The following PRTN3 variants were observed in gnomAD, a reference collection of about 807,000 sequenced individuals.
PRTN3 encodes the protein myeloblastin.
PRTN3 carries 22 observed loss-of-function variants against 20.7 expected under a neutral mutation model. That is an observed-to-expected ratio of 1.06 (90% CI 0.76 to 1.52). PRTN3 has a LOEUF of 1.52. Ranked by LOEUF, PRTN3 falls within the 40% of genes most tolerant of loss-of-function variation. PRTN3 has a pLI of 0.00. For synonymous variants in PRTN3, 173 were observed against 152.9 expected, an observed-to-expected ratio of 1.13 and a Z score of -0.97; for missense variants, 378 against 359.6, an observed-to-expected ratio of 1.05 and a Z score of -0.41.
In PRTN3 at chr19:847,916, G is replaced by A. The variant is rs564738936; in HGVS notation, c.718G>A (p.Val240Met). 21 of 1,608,114 alleles carry A rather than the reference G, an allele frequency of 1.3e-5. No homozygotes were observed. Among genetic ancestry groups the A allele is most frequent in the African/African-American group, 4.0e-5 (3 of 75,004 alleles). ...CTTCTTCACGCGGGTAGCCCTCTAC[G>A]TGGACTGGATCCGTTCCACGCTGCG... Reference protein sequence around the residue: ...PDFFTRVALYVDWIRSTLRRV... With the variant: ...PDFFTRVALYMDWIRSTLRRV... The change falls in exon 5 of 5, where the codon GTG becomes ATG. Residue 240 changes from valine to methionine, a missense_variant. By Grantham distance (21) the Val-to-Met change is conservative (BLOSUM62 1). Coordinates refer to ENST00000234347, the MANE Select transcript of PRTN3 (RefSeq NM_002777.4).
In PRTN3 at chr19:847,790, G is replaced by C. The variant is rs757255257; in HGVS notation, c.601-9G>C. ...CCCTGATGGGTGACTGGCCGTCCCT[G>C]TCCTCCAGGGAGACTCAGGTGGCCC... On this transcript the variant is annotated splice_polypyrimidine_tract_variant and intron_variant, in intron 4 of 4. Coordinates refer to ENST00000234347, the MANE Select transcript of PRTN3 (RefSeq NM_002777.4). 1 of 1,602,624 alleles carries C rather than the reference G, an allele frequency of 6.2e-7. No individual in the cohort carries two copies. The highest frequency in any genetic ancestry group is 8.5e-7 in the Non-Finnish European group (1 of 1,173,806).
Position 843,941 on chromosome 19 carries a change from G to T in PRTN3, c.276G>T (p.Thr92=). ...TGCTCGGAGCCCACAACGTGCGGAC[G>T]CAGGAGCCCACCCAGCAGCACTTCT... The part of the protein sequence containing the change: ...NVVLGAHNVR[T]QEPTQQHFSV... The change falls in exon 3 of 5, where the codon ACG becomes ACT. Residue 92 remains threonine, a synonymous_variant. Coordinates refer to ENST00000234347, the MANE Select transcript of PRTN3 (RefSeq NM_002777.4). 1.2e-6 allele frequency: 2 copies of T among 1,600,166 alleles called. No individual in the cohort carries two copies. The highest frequency in any genetic ancestry group is 8.5e-7 in the Non-Finnish European group (1 of 1,174,392).
Position 842,413 on chromosome 19 carries a change from A to ATTTTTTTTTTTTTTTTTTTTT in PRTN3, c.62-1044_62-1024dup, listed in dbSNP as rs34047197. The stretch of plus-strand genomic sequence containing the variant: ...TCAGGCATGAGCCACTGCGCCCAGG[A>ATTTTTTTTTTTTTTTTTTTTT]TTTTTTTTTTTTTTTTTTTTTTTTG... On this transcript the variant is annotated intron_variant, in intron 1 of 4. Transcript: ENST00000234347. Among the ~76,000 whole-genome samples the ATTTTTTTTTTTTTTTTTTTTT allele has an allele frequency of 6.3e-4, 25 of 39,420 alleles. 7 individuals are homozygous for ATTTTTTTTTTTTTTTTTTTTT. Among genetic ancestry groups the ATTTTTTTTTTTTTTTTTTTTT allele is most frequent in the African/African-American group, 2.9e-3 (20 of 6,792 alleles). The allele number at this position is 39,420 out of a possible 152,430, so 25.9% of individuals were successfully genotyped here.
chr19:847,451 C>T (rs1280624740), intron 4 of PRTN3, among the ~76,000 whole-genome samples: 1 of 113,990 alleles, frequency 8.8e-6, no homozygotes, highest in Admixed American at 8.7e-5. Flanking sequence ...AAAACAAAAA[C>T]AAAACAAAAC....
chr19:847,579 GAGAA>G (rs1399587447), intron 4 of PRTN3, among the ~76,000 whole-genome samples: 43 of 143,826 alleles, frequency 3.0e-4, no homozygotes, highest in African/African-American at 7.9e-4. Flanking sequence ...GAGAGAGAGA[GAGAA>G]AGAAAGAAAG....
At chr19:841,167 C>A in intron 1 of PRTN3, 98 bp downstream of exon 1, 1 of 1,446,972 alleles carries the variant, frequency 6.9e-7, no homozygotes, top group Non-Finnish European at 9.4e-7. Flanking sequence ...TCTGGCACAG[C>A]TGGGGAAACT....
Position 848,102 on chromosome 19 carries a change from C to T in PRTN3, c.*133C>T. The T allele has an allele frequency of 8.6e-7, 1 of 1,166,604 alleles. No homozygotes were observed. Among genetic ancestry groups the T allele is most frequent in the Non-Finnish European group, 1.2e-6 (1 of 849,404 alleles). 72.3% of individuals were successfully genotyped at this position (1,166,604 alleles called of 1,614,324 possible). A position where few individuals can be genotyped will look rare whatever the true frequency, so the allele number is the denominator to read the frequency against. On this transcript the variant is annotated 3_prime_UTR_variant, in exon 5 of 5. Coordinates refer to ENST00000234347, the MANE Select transcript of PRTN3 (RefSeq NM_002777.4). ...GGCCCCACCCGTCCCCCCACACTCC[C>T]TCCCACGGGGCTCCGGGAGACAGGC...
chr19:845,182 A>C (rs1012871178), intron 3 of PRTN3, among the ~76,000 whole-genome samples: 2 of 151,898 alleles, frequency 1.3e-5, no homozygotes, highest in Non-Finnish European at 2.9e-5. Flanking sequence ...TCCTGACCTC[A>C]AGTGATCTGC....
chr19:845,213 G>A (rs950440441), intron 3 of PRTN3, among the ~76,000 whole-genome samples: 32 of 152,004 alleles, frequency 2.1e-4, no homozygotes, highest in Non-Finnish European at 4.1e-4. Context: ...CTCCCAAAGT[G>A]CTGGGATTAT....
chr19:843,977 G>C lies in PRTN3; in HGVS notation c.312G>C (p.Gln104His). 6.2e-7 allele frequency: 1 copy of C among 1,605,172 alleles called. No homozygotes were observed. The highest frequency in any genetic ancestry group is 8.5e-7 in the Non-Finnish European group (1 of 1,176,558). Residue 104 changes from glutamine to histidine, a missense_variant, in exon 3 of 5, where the codon CAG (glutamine) becomes CAC (histidine). Physicochemically the swap from Gln to His is conservative, Grantham distance 24. Transcript: ENST00000234347. ...CCCAGCAGCACTTCTCGGTGGCTCA[G>C]GTGTTTCTGAACAACTACGACGCGG... ...EPTQQHFSVAQVFLNNYDAEN... is the reference protein window; with the variant it reads ...EPTQQHFSVAHVFLNNYDAEN...
intron 1 of PRTN3, among the ~76,000 whole-genome samples, chr19:842,007 G>T (rs1284779801): frequency 6.7e-6 from 1 of 148,304 alleles, no homozygotes; most frequent in Non-Finnish European, 1.5e-5. Flanking sequence ...GATTACAGGC[G>T]TGAGCCACCG....
At position 846,258 on chromosome 19, in the gene PRTN3, G is replaced by A. The variant is rs756514256; in HGVS notation, c.481G>A (p.Gly161Ser). The stretch of plus-strand genomic sequence containing the variant: ...CCTGGCCATGGGCTGGGGCCGCGTG[G>A]GTGCCCACGACCCCCCAGCCCAGGT... ...QCLAMGWGRVGAHDPPAQVLQ... is the reference protein window; with the variant it reads ...QCLAMGWGRVSAHDPPAQVLQ... The change falls in exon 4 of 5, where the codon GGT becomes AGT. Residue 161 changes from glycine to serine, a missense_variant. Coordinates refer to ENST00000234347, the MANE Select transcript of PRTN3 (RefSeq NM_002777.4). 3.2e-6 allele frequency: 5 copies of A among 1,568,652 alleles called. No individual in the cohort carries two copies. The African/African-American group carries it at 4.1e-5, about 13-fold the overall frequency.
chr19:847,557 G>GAAAAAGAA lies in PRTN3; in HGVS notation c.601-241_601-240insAAAAGAAA, dbSNP rs55921706. On this transcript the variant is annotated intron_variant, in intron 4 of 4. Coordinates refer to ENST00000234347, the MANE Select transcript of PRTN3 (RefSeq NM_002777.4). ...AAAGAAAGAAAGAAAGAAAAAGAAA[G>GAAAAAGAA]AGAGAGAGAGAGAGAGAGAGAGAGA... Among the ~76,000 whole-genome samples, 6 of 121,898 alleles carry GAAAAAGAA rather than the reference G, an allele frequency of 4.9e-5. No individual in the cohort carries two copies. The East Asian group carries it at 9.4e-4, about 19-fold the overall frequency. The allele number at this position is 121,898 out of a possible 152,430, so 80.0% of individuals were successfully genotyped here.
At position 847,944 on chromosome 19, in the gene PRTN3, G is replaced by A. The variant is rs150802678; in HGVS notation, c.746G>A (p.Arg249His). ...GACTGGATCCGTTCCACGCTGCGCC[G>A]TGTGGAGGCCAAGGGCCGCCCCTGA... ...YVDWIRSTLR[R>H]VEAKGRP The change falls in exon 5 of 5, where the codon CGT (arginine) becomes CAT (histidine). Residue 249 changes from arginine to histidine, a missense_variant. Arg to His is a conservative substitution (Grantham distance 29, BLOSUM62 0). Transcript: ENST00000234347. 15,474 of 1,604,196 alleles carry A rather than the reference G, an allele frequency of 9.6e-3. 140 individuals are homozygous for A. Among genetic ancestry groups the A allele is most frequent in the Non-Finnish European group, 9.9e-3 (11,585 of 1,175,390 alleles).
At position 848,078 on chromosome 19, in the gene PRTN3, G is replaced by A; in HGVS notation, c.*109G>A. Reference sequence around the variant, plus strand: ...CCCGAACACTGTGGCGTCCGGGACGGCCCCACCCGTCCCCCCACACTCCCT... The same window carrying A: ...CCCGAACACTGTGGCGTCCGGGACGACCCCACCCGTCCCCCCACACTCCCT... On this transcript the variant is annotated 3_prime_UTR_variant, in exon 5 of 5. Coordinates refer to ENST00000234347, the MANE Select transcript of PRTN3 (RefSeq NM_002777.4). 2 of 1,355,422 alleles carry A rather than the reference G, an allele frequency of 1.5e-6. No individual in the cohort carries two copies. Among genetic ancestry groups the A allele is most frequent in the East Asian group, 2.5e-5 (1 of 39,590 alleles). 84.0% of individuals were successfully genotyped at this position (1,355,422 alleles called of 1,614,324 possible).
chr19:843,748 C>T (rs1431166268), intron 2 of PRTN3, 122 bp downstream of exon 2: 7 of 1,450,790 alleles, frequency 4.8e-6, no homozygotes, highest in African/African-American at 1.4e-5. Context: ...CCCCAGGCCC[C>T]GCGCGCGTGG....
In PRTN3 at chr19:847,767, C is replaced by G. The variant is rs180723706; in HGVS notation, c.601-32C>G. ...TCCTCCAGGGAGACTCAGGTGGCCC[C>G]TGATGGGTGACTGGCCGTCCCTGTC... On this transcript the variant is annotated intron_variant, in intron 4 of 4. Transcript: ENST00000234347. 7.6e-6 allele frequency: 12 copies of G among 1,587,588 alleles called. No homozygotes were observed. In the East Asian group the frequency reaches 2.7e-4, roughly 36 times the overall value.
intron 1 of PRTN3, among the ~76,000 whole-genome samples, chr19:842,873 C>T (rs1018007286): frequency 1.3e-5 from 2 of 151,768 alleles, no homozygotes; most frequent in African/African-American, 4.8e-5. Context: ...CAGGCGTGGG[C>T]CAACCGCACC....
At chr19:841,177 T>G (rs556239275) in intron 1 of PRTN3, 108 bp downstream of exon 1, 2 of 1,409,504 alleles carry the variant, frequency 1.4e-6, no homozygotes, top group South Asian at 2.6e-5. Flanking sequence ...CTGGGGAAAC[T>G]GAGGCAGGGT....
Sources: gnomAD v4.1 joint callset for allele counts (sites outside exome capture counted in the v4.1 genomes callset) on GRCh38, gnomAD v4.1.1 for gene constraint, MANE v1.5 for transcripts, NCBI Gene and HGNC (gene_info 2026-07-23, HGNC 2026-07-21) for gene names.